The following FAM167A variants were observed in gnomAD, a reference collection of about 807,000 sequenced individuals.
FAM167A encodes the protein protein FAM167A.
In FAM167A, 23 loss-of-function variants were observed where a neutral mutation model predicts 14.9. The ratio of observed to expected loss-of-function variants is 1.55; its 90% CI spans 1.11 to 2.19. The LOEUF (loss-of-function observed/expected upper bound fraction) is 2.19, where lower values mean the gene tolerates loss of function less well. Among genes scored for constraint, FAM167A ranks in the 30% most tolerant of loss-of-function variants. FAM167A has a pLI of 0.00. For missense variants in FAM167A, 401 were observed against 281.5 expected, an observed-to-expected ratio of 1.42 and a Z score of -3.04; for synonymous variants, 174 against 117.7, an observed-to-expected ratio of 1.48 and a Z score of -3.10.
intron 1 of FAM167A, among the ~76,000 whole-genome samples, chr8:11,472,638 C>T (rs533735856): frequency 4.6e-5 from 7 of 152,058 alleles, no homozygotes; most frequent in African/African-American, 4.8e-5. Context: ...GCCTTCTAGA[C>T]GTGATTCTAA....
intron 1 of FAM167A, among the ~76,000 whole-genome samples, chr8:11,447,309 G>GTAGCT (rs1321256362): frequency 1.3e-5 from 2 of 152,074 alleles, no homozygotes; most frequent in Non-Finnish European, 2.9e-5. Context: ...AGCCTCCCGA[G>GTAGCT]TAGCTGGGGT....
At chr8:11,473,599 C>T (rs371267573) in intron 1 of FAM167A, among the ~76,000 whole-genome samples, 2 of 152,214 alleles carry the variant, frequency 1.3e-5, no homozygotes, top group African/African-American at 4.8e-5. Context: ...TTCCCATCCC[C>T]ATCCTGGCCA....
chr8:11,429,791 C>G (rs895696180), intron 2 of FAM167A, among the ~76,000 whole-genome samples: 1 of 152,210 alleles, frequency 6.6e-6, no homozygotes, highest in African/African-American at 2.4e-5. Flanking sequence ...CCACTCCTCA[C>G]TCGTTGGGTG....
chr8:11,434,195 T>C (rs1805828353), intron 2 of FAM167A: 1 of 152,254 alleles, frequency 6.6e-6, no homozygotes, highest in South Asian at 2.1e-4. Flanking sequence ...GAGGTCTCTA[T>C]TCGGGGAGGC....
In FAM167A at chr8:11,455,497, TGTGTGA is replaced by T. The variant is rs1807210703; in HGVS notation, c.-397-10695_-397-10690del. ...TGTGGGGAGTGGTTGCCCTGATGGG[TGTGTGA>T]GTGTGAGTGTGTGGGGTGGTTGCCC... On this transcript the variant is annotated intron_variant, in intron 1 of 2. Coordinates refer to ENST00000284486, the MANE Select transcript of FAM167A (RefSeq NM_053279.3). Among the ~76,000 whole-genome samples, 5 of 128,028 alleles carry T rather than the reference TGTGTGA, an allele frequency of 3.9e-5. No individual in the cohort carries two copies. In the South Asian group the frequency reaches 1.4e-3, roughly 37 times the overall value. The allele number at this position is 128,028 out of a possible 152,430, so 84.0% of individuals were successfully genotyped here. A position where few individuals can be genotyped will look rare whatever the true frequency, so the allele number is the denominator to read the frequency against.
In FAM167A at chr8:11,423,220, G is replaced by A. The variant is rs551060975; in HGVS notation, c.*1153C>T. 1 of 152,298 alleles carries A rather than the reference G, an allele frequency of 6.6e-6. No homozygotes were observed. The highest frequency in any genetic ancestry group is 1.9e-4 in the East Asian group (1 of 5,178). 9.4% of individuals were successfully genotyped at this position (152,298 alleles called of 1,614,324 possible). A position where few individuals can be genotyped will look rare whatever the true frequency, so the allele number is the denominator to read the frequency against. On this transcript the variant is annotated 3_prime_UTR_variant, in exon 3 of 3. Coordinates refer to ENST00000284486, the MANE Select transcript of FAM167A (RefSeq NM_053279.3). ...CCGAGGGACCCCTGCCATGCCGTAT[G>A]ACCCCAGACTGACCTCCCTAACCTG...
intron 1 of FAM167A, among the ~76,000 whole-genome samples, chr8:11,453,466 G>A (rs933617287): frequency 1.2e-4 from 18 of 152,336 alleles, no homozygotes; most frequent in Non-Finnish European, 2.2e-4. Context: ...CACTATGATT[G>A]TCCCATTACA....
At position 11,443,952 on chromosome 8, in the gene FAM167A, G is replaced by GACAGAGAGAGACAGAAAAAGAC. The variant is rs1301507238; in HGVS notation, c.381+57_381+78dup. 4.6e-6 allele frequency: 7 copies of GACAGAGAGAGACAGAAAAAGAC among 1,505,468 alleles called. No individual in the cohort carries two copies. The African/African-American group carries it at 5.6e-5, about 12-fold the overall frequency. The allele number at this position is 1,505,468 out of a possible 1,614,324, so 93.3% of individuals were successfully genotyped here. A position where few individuals can be genotyped will look rare whatever the true frequency, so the allele number is the denominator to read the frequency against. On this transcript the variant is annotated intron_variant, in intron 2 of 2. Transcript: ENST00000284486. ...AATACATGGTGGGGGTGGGGAGACA[G>GACAGAGAGAGACAGAAAAAGAC]ACAGAGAGAGACAGAAAAAGACACA...
intron 1 of FAM167A, among the ~76,000 whole-genome samples, chr8:11,452,763 A>C (rs137861939): frequency 1.7e-3 from 265 of 152,336 alleles, no homozygotes; most frequent in African/African-American, 4.8e-3. Flanking sequence ...CCCAGAAAAA[A>C]GGGTGCTTTA....
intron 2 of FAM167A, chr8:11,435,200 C>G (rs1039169692): frequency 8.9e-6 from 4 of 448,760 alleles, no homozygotes; most frequent in South Asian, 1.6e-5. Context: ...GTTCTGTCCC[C>G]TCCCCTGTGG....
chr8:11,448,924 C>A (rs1806906862), intron 1 of FAM167A, among the ~76,000 whole-genome samples: 1 of 152,248 alleles, frequency 6.6e-6, no homozygotes, highest in African/African-American at 2.4e-5. Flanking sequence ...TCTATGGAAC[C>A]TGGTATGTGA....
chr8:11,475,525 C>T (rs765819186), intron 1 of FAM167A, among the ~76,000 whole-genome samples: 5 of 151,848 alleles, frequency 3.3e-5, no homozygotes, highest in Non-Finnish European at 7.4e-5. Flanking sequence ...CAAGCAGAAG[C>T]CAAGATTAAA....
intron 2 of FAM167A, among the ~76,000 whole-genome samples, chr8:11,429,460 G>T (rs1023454668): frequency 2.6e-5 from 4 of 152,190 alleles, no homozygotes; most frequent in African/African-American, 9.7e-5. Flanking sequence ...GCTCTGCCAA[G>T]GGGCCCCCTG....
chr8:11,424,278 G>A lies in FAM167A; in HGVS notation c.*95C>T, dbSNP rs1356417813. 27 of 1,536,950 alleles carry A rather than the reference G, an allele frequency of 1.8e-5. No homozygotes were observed. The highest frequency in any genetic ancestry group is 2.0e-5 in the Non-Finnish European group (23 of 1,132,806). ...GCCAGTCCCAGGGACCCCTGCCTCC[G>A]GGAGACCCACTGGAGTAACTTGGCC... On this transcript the variant is annotated 3_prime_UTR_variant, in exon 3 of 3. Coordinates refer to ENST00000284486, the MANE Select transcript of FAM167A (RefSeq NM_053279.3).
At chr8:11,475,704 T>A (rs989646184) in intron 1 of FAM167A, among the ~76,000 whole-genome samples, 14 of 152,192 alleles carry the variant, frequency 9.2e-5, no homozygotes, top group Non-Finnish European at 1.8e-4. Flanking sequence ...AGGTCAGATG[T>A]GCCTATTTGC....
intron 2 of FAM167A, among the ~76,000 whole-genome samples, chr8:11,438,988 C>G (rs1201954510): frequency 6.6e-6 from 1 of 152,228 alleles, no homozygotes; most frequent in Non-Finnish European, 1.5e-5. Flanking sequence ...TTTACAAGTA[C>G]CCTGTTCTGA....
At chr8:11,454,243 G>A (rs1279181853) in intron 1 of FAM167A, among the ~76,000 whole-genome samples, 1 of 152,218 alleles carries the variant, frequency 6.6e-6, no homozygotes, top group East Asian at 1.9e-4. Flanking sequence ...AGGCCCACGT[G>A]TGTGTGCAAA....
chr8:11,459,521 G>T (rs562933936), intron 1 of FAM167A, among the ~76,000 whole-genome samples: 17 of 152,242 alleles, frequency 1.1e-4, no homozygotes, highest in Non-Finnish European at 2.4e-4. Context: ...TCGGTCTGCA[G>T]TGCCAAGCAC....
At chr8:11,451,033 C>A (rs1807002027) in intron 1 of FAM167A, among the ~76,000 whole-genome samples, 1 of 152,262 alleles carries the variant, frequency 6.6e-6, no homozygotes, top group African/African-American at 2.4e-5. Flanking sequence ...AGGATGAGGT[C>A]ATTTCCATCC....
Sources: gnomAD v4.1 joint callset for allele counts (sites outside exome capture counted in the v4.1 genomes callset) on GRCh38, gnomAD v4.1.1 for gene constraint, MANE v1.5 for transcripts, NCBI Gene and HGNC (gene_info 2026-07-23, HGNC 2026-07-21) for gene names.